KANSL1L: variants seen among roughly 807,000 people sequenced by gnomAD.
The protein encoded by KANSL1L is KAT8 regulatory NSL complex subunit 1-like protein.
In KANSL1L, 25 loss-of-function variants were observed where a neutral mutation model predicts 108.6. The observed-to-expected ratio is 0.23, with a 90% CI of 0.17 to 0.32. The LOEUF (loss-of-function observed/expected upper bound fraction) is 0.32. KANSL1L is among the 10% of genes least tolerant of loss of function. The probability of loss-of-function intolerance (pLI) is 1.00; values close to 1 mark genes in which losing one functional copy is unlikely to be tolerated. For missense variants in KANSL1L, 1,137 were observed against 1,125.7 expected (o/e 1.01, Z -0.14); for synonymous variants, 405 against 395.1 (o/e 1.03, Z -0.30).
At chr2:210,034,068 T>C (rs1185695274) in intron 8 of KANSL1L, among the ~76,000 whole-genome samples, 1 of 152,126 alleles carries the variant, frequency 6.6e-6, no homozygotes, top group African/African-American at 2.4e-5. Context: ...TCATAGCATT[T>C]CTCATATATC....
chr2:210,103,048 C>T (rs1332605691), intron 4 of KANSL1L, among the ~76,000 whole-genome samples: 2 of 152,124 alleles, frequency 1.3e-5, no homozygotes, highest in African/African-American at 2.4e-5. Flanking sequence ...TTCACAATAG[C>T]AAAGACTTGG....
intron 2 of KANSL1L, among the ~76,000 whole-genome samples, chr2:210,141,138 CTCCCT>C (rs367664332): frequency 9.5e-5 from 14 of 147,032 alleles, no homozygotes; most frequent in African/African-American, 2.5e-4. Flanking sequence ...TCCTTCCTTC[CTCCCT>C]TCCCTTCCCC....
At chr2:210,060,326 C>T (rs1158196239) in intron 6 of KANSL1L, among the ~76,000 whole-genome samples, 1 of 152,084 alleles carries the variant, frequency 6.6e-6, no homozygotes, top group Non-Finnish European at 1.5e-5. Context: ...CCATAGGAGA[C>T]AGATAAAAGA....
rs139248793 is a variant in KANSL1L at position 210,035,926 on chromosome 2, G to A, written c.2030-4380C>T. Among the ~76,000 whole-genome samples the A allele has an allele frequency of 1.6e-3, 242 of 152,258 alleles. 1 individual carries two copies. The highest frequency in any genetic ancestry group is 2.4e-3 in the Non-Finnish European group (163 of 68,014). On this transcript the variant is annotated intron_variant, in intron 8 of 14. Transcript: ENST00000281772. Reference sequence around the variant, plus strand: ...CCTTGTTAGAAATGCAGAATTTCAGGTCCCATTCCAGACTTACTAAATCAG... The same window carrying A: ...CCTTGTTAGAAATGCAGAATTTCAGATCCCATTCCAGACTTACTAAATCAG...
chr2:210,079,700 GTATATA>G lies in KANSL1L; in HGVS notation c.1551-3950_1551-3945del, dbSNP rs796956187. The G allele has an allele frequency of 5.0e-3, 381 of 75,750 alleles. 28 individuals are homozygous for G. The highest frequency in any genetic ancestry group is 0.024 in the African/African-American group (354 of 15,062). The allele number at this position is 75,750 out of a possible 1,614,324, so 4.7% of individuals were successfully genotyped here. ...TATATATATATATATATGTATGTGT[GTATATA>G]TATATATATATATATATATGGTTAT... On this transcript the variant is annotated intron_variant, in intron 5 of 14. Coordinates refer to ENST00000281772, the MANE Select transcript of KANSL1L (RefSeq NM_152519.4).
At chr2:210,126,386 T>C (rs1179762954) in intron 3 of KANSL1L, among the ~76,000 whole-genome samples, 13 of 152,322 alleles carry the variant, frequency 8.5e-5, no homozygotes, top group Admixed American at 7.8e-4. Flanking sequence ...CTATCAAAAC[T>C]ACTCAAAGAA....
chr2:210,109,449 T>C (rs2094883608), intron 3 of KANSL1L, among the ~76,000 whole-genome samples: 1 of 152,124 alleles, frequency 6.6e-6, no homozygotes, highest in Non-Finnish European at 1.5e-5. Flanking sequence ...ATGTCTACAG[T>C]ATGACCATAT....
chr2:210,125,232 C>T (rs2095055672), intron 3 of KANSL1L, among the ~76,000 whole-genome samples: 1 of 151,870 alleles, frequency 6.6e-6, no homozygotes. Flanking sequence ...CCAGCCTGGG[C>T]AACAAGAGCA....
At chr2:210,109,825 A>G (rs1385222554) in intron 3 of KANSL1L, among the ~76,000 whole-genome samples, 1 of 151,990 alleles carries the variant, frequency 6.6e-6, no homozygotes, top group Non-Finnish European at 1.5e-5. Context: ...TGGTAATATA[A>G]ATATAAATAT....
At chr2:210,110,806 A>G (rs997079263) in intron 3 of KANSL1L, among the ~76,000 whole-genome samples, 1 of 152,158 alleles carries the variant, frequency 6.6e-6, no homozygotes, top group Non-Finnish European at 1.5e-5. Context: ...TGGACTAAAC[A>G]TGGACTCTGG....
At chr2:210,144,731 A>G (rs1018101403) in intron 2 of KANSL1L, among the ~76,000 whole-genome samples, 14 of 152,086 alleles carry the variant, frequency 9.2e-5, no homozygotes, top group African/African-American at 3.4e-4. Flanking sequence ...ATTTTGTTGA[A>G]TTGCCCCTCT....
intron 3 of KANSL1L, among the ~76,000 whole-genome samples, chr2:210,125,115 G>A (rs1019449675): frequency 9.2e-5 from 14 of 152,180 alleles, no homozygotes; most frequent in African/African-American, 2.6e-4. Flanking sequence ...TTAGCTGGAT[G>A]TGGTGGCGGG....
At chr2:210,075,798 A>T (rs2094538091) in intron 5 of KANSL1L, 42 bp from the exon 6 acceptor site, 1 of 1,370,994 alleles carries the variant, frequency 7.3e-7, no homozygotes, top group Non-Finnish European at 1.0e-6. Flanking sequence ...AAGGGAATAA[A>T]ACAAAACAAA....
intron 2 of KANSL1L, among the ~76,000 whole-genome samples, chr2:210,148,668 A>C (rs921228561): frequency 2.6e-5 from 4 of 152,252 alleles, no homozygotes; most frequent in African/African-American, 9.6e-5. Flanking sequence ...ATTATGAATT[A>C]AAGTCAATTA....
intron 3 of KANSL1L, among the ~76,000 whole-genome samples, chr2:210,116,671 T>C (rs1186008996): frequency 6.6e-6 from 1 of 152,186 alleles, no homozygotes; most frequent in African/African-American, 2.4e-5. Flanking sequence ...CCACAAAAGA[T>C]GCAGTGTTAC....
At chr2:210,058,557 G>A (rs1413091137) in intron 6 of KANSL1L, among the ~76,000 whole-genome samples, 1 of 152,102 alleles carries the variant, frequency 6.6e-6, no homozygotes, top group African/African-American at 2.4e-5. Flanking sequence ...CTTTTGGCCA[G>A]GCGCAGTGGC....
chr2:210,029,820 T>A lies in KANSL1L; in HGVS notation c.2254A>T (p.Ile752Phe), dbSNP rs2093990269. The change falls in exon 10 of 15, where the codon ATC becomes TTC. Residue 752 changes from isoleucine to phenylalanine, a missense_variant. Ile to Phe is a conservative substitution (Grantham distance 21). Coordinates refer to ENST00000281772, the MANE Select transcript of KANSL1L (RefSeq NM_152519.4). ...AVSNVNVLSR[I>F]QNSSRNTARR... is the part of the protein sequence containing the mutation. ...AAACCTACTCGTGATGAATTCTGGATTCTTGATAAAACGTTGACATTGGAA... is the reference window on the plus strand; with the variant it reads ...AAACCTACTCGTGATGAATTCTGGAATCTTGATAAAACGTTGACATTGGAA... 6.3e-7 allele frequency: 1 copy of A among 1,585,246 alleles called. No individual in the cohort carries two copies. The highest frequency in any genetic ancestry group is 8.7e-7 in the Non-Finnish European group (1 of 1,155,828).
chr2:210,102,385 C>T (rs1289378756), intron 4 of KANSL1L, among the ~76,000 whole-genome samples: 1 of 152,090 alleles, frequency 6.6e-6, no homozygotes, highest in Non-Finnish European at 1.5e-5. Context: ...CTAGGCAATA[C>T]CATTCAGGAC....
intron 6 of KANSL1L, among the ~76,000 whole-genome samples, chr2:210,074,277 C>G (rs943192445): frequency 6.6e-6 from 1 of 152,146 alleles, no homozygotes; most frequent in African/African-American, 2.4e-5. Flanking sequence ...CAAAACTCTG[C>G]TTGTCTTTCA....
Sources: allele counts gnomAD v4.1 joint callset (sites outside exome capture counted in the v4.1 genomes callset), GRCh38; gene constraint gnomAD v4.1.1; transcripts MANE v1.5; gene names NCBI Gene and HGNC (gene_info 2026-07-23, HGNC 2026-07-21).